Variants in FRMD5 observed in about 807,000 individuals in gnomAD.
FRMD5 encodes FERM domain containing 5.
A neutral mutation model predicts 69.0 loss-of-function variants in FRMD5; 20 were observed. That is an observed-to-expected ratio of 0.29 (90% CI 0.20 to 0.42). FRMD5 has a LOEUF of 0.42. Ranked by LOEUF, FRMD5 falls within the 10% of genes least tolerant of loss-of-function variation. The pLI is 1.00. For synonymous variants in FRMD5, 271 were observed against 260.1 expected (o/e 1.04, Z -0.40); for missense variants, 595 against 708.6 (o/e 0.84, Z 1.82).
chr15:43,896,564 C>G (rs2088915006), intron 7 of FRMD5, among the ~76,000 whole-genome samples: 1 of 152,224 alleles, frequency 6.6e-6, no homozygotes, highest in Non-Finnish European at 1.5e-5. Flanking sequence ...AGGATGATCA[C>G]TCTGCCCAGG....
At chr15:44,005,364 G>C (rs980249619) in intron 1 of FRMD5, among the ~76,000 whole-genome samples, 2 of 151,046 alleles carry the variant, frequency 1.3e-5, no homozygotes, top group African/African-American at 2.4e-5. Flanking sequence ...CCAGCTACTC[G>C]GGATGCTGAG....
intron 1 of FRMD5, among the ~76,000 whole-genome samples, chr15:44,000,200 G>A (rs1890149992): frequency 2.0e-5 from 3 of 151,412 alleles, no homozygotes; most frequent in Admixed American, 6.6e-5. Flanking sequence ...ATTGCCCAGG[G>A]TGGTCTTGAA....
chr15:44,149,827 C>A (rs1260246417), intron 1 of FRMD5, among the ~76,000 whole-genome samples: 2 of 152,038 alleles, frequency 1.3e-5, no homozygotes, highest in Non-Finnish European at 2.9e-5. Context: ...ACCCTAATAG[C>A]AAAGCAAAGA....
chr15:43,990,795 T>G (rs1038242916), intron 1 of FRMD5, among the ~76,000 whole-genome samples: 1 of 152,196 alleles, frequency 6.6e-6, no homozygotes. Flanking sequence ...TTTAAGGAAC[T>G]TGATAGATTT....
In FRMD5 at chr15:43,985,707, T is replaced by C. The variant is rs375651980; in HGVS notation, c.103-61398A>G. On this transcript the variant is annotated intron_variant, in intron 1 of 13. Transcript: ENST00000417257. The stretch of plus-strand genomic sequence containing the variant: ...GCGGATAAGTATTCACATTAATGAA[T>C]GGAGAAATGTCTATTTAATTTGCAA... Among the ~76,000 whole-genome samples the C allele has an allele frequency of 5.3e-5, 8 of 152,288 alleles. No homozygotes were observed. The East Asian group carries it at 1.2e-3, about 22-fold the overall frequency.
chr15:44,148,574 AT>A (rs937417741), intron 1 of FRMD5, among the ~76,000 whole-genome samples: 4 of 151,488 alleles, frequency 2.6e-5, no homozygotes, highest in South Asian at 2.1e-4. Flanking sequence ...CCCAACCTAC[AT>A]TTTTTTTTAA....
At chr15:44,154,187 G>T (rs1406928959) in intron 1 of FRMD5, among the ~76,000 whole-genome samples, 1 of 152,004 alleles carries the variant, frequency 6.6e-6, no homozygotes, top group African/African-American at 2.4e-5. Flanking sequence ...ACTGGGTTTG[G>T]TGGTGCATGC....
At chr15:44,020,046 A>C (rs1312714671) in intron 1 of FRMD5, among the ~76,000 whole-genome samples, 2 of 152,274 alleles carry the variant, frequency 1.3e-5, no homozygotes, top group Non-Finnish European at 2.9e-5. Flanking sequence ...CAAATTATCT[A>C]TATACGAATC....
intron 1 of FRMD5, among the ~76,000 whole-genome samples, chr15:43,965,574 G>C (rs2090279790): frequency 7.3e-6 from 1 of 137,384 alleles, no homozygotes; most frequent in African/African-American, 2.7e-5. Context: ...CTTTTAAAAA[G>C]TCTTTTTTTT....
At chr15:44,017,121 G>A (rs565701545) in intron 1 of FRMD5, among the ~76,000 whole-genome samples, 1 of 151,944 alleles carries the variant, frequency 6.6e-6, no homozygotes. Context: ...GGCAGATCAC[G>A]AGGTCAGGAG....
chr15:44,189,336 C>T (rs1595572969), intron 1 of FRMD5, among the ~76,000 whole-genome samples: 1 of 152,012 alleles, frequency 6.6e-6, no homozygotes, highest in Non-Finnish European at 1.5e-5. Flanking sequence ...ACATGTTGAC[C>T]TTGGGAGGCA....
Position 43,872,215 on chromosome 15 carries a change from A to C in FRMD5, c.*1670T>G, listed in dbSNP as rs563002381. 6.6e-6 allele frequency: 1 copy of C among 152,098 alleles called. No individual in the cohort carries two copies. The highest frequency in any genetic ancestry group is 1.5e-5 in the Non-Finnish European group (1 of 68,032). 9.4% of individuals were successfully genotyped at this position (152,098 alleles called of 1,614,324 possible). A position where few individuals can be genotyped will look rare whatever the true frequency, so the allele number is the denominator to read the frequency against. On this transcript the variant is annotated 3_prime_UTR_variant, in exon 14 of 14. Coordinates refer to ENST00000417257, the MANE Select transcript of FRMD5 (RefSeq NM_032892.5). ...GAAAGGATGTCTTTAAAATTATGCA[A>C]ATCTCTCCCTAAGAACCCCAATTAT...
At chr15:43,912,018 A>G (rs539778833) in intron 4 of FRMD5, among the ~76,000 whole-genome samples, 13 of 152,302 alleles carry the variant, frequency 8.5e-5, no homozygotes, top group Middle Eastern at 3.4e-3. Context: ...TGTAGCCCAC[A>G]TATCAGGGGT....
At chr15:43,893,699 G>T (rs1055985104) in intron 7 of FRMD5, among the ~76,000 whole-genome samples, 26 of 152,178 alleles carry the variant, frequency 1.7e-4, no homozygotes, top group Admixed American at 1.7e-3. Flanking sequence ...GCATGGGTGT[G>T]GGGGCTGAGG....
intron 1 of FRMD5, among the ~76,000 whole-genome samples, chr15:43,933,654 C>G (rs1456524736): frequency 6.6e-6 from 1 of 152,202 alleles, no homozygotes; most frequent in African/African-American, 2.4e-5. Context: ...TTTCATATAA[C>G]AAGAGTACCA....
intron 1 of FRMD5, among the ~76,000 whole-genome samples, chr15:44,148,097 T>G (rs2077383762): frequency 6.6e-6 from 1 of 152,200 alleles, no homozygotes; most frequent in African/African-American, 2.4e-5. Flanking sequence ...TCCAGAGTAT[T>G]TAATGGGCCC....
At chr15:43,943,445 G>T (rs1163776023) in intron 1 of FRMD5, among the ~76,000 whole-genome samples, 1 of 152,190 alleles carries the variant, frequency 6.6e-6, no homozygotes, top group Admixed American at 6.5e-5. Flanking sequence ...GATATTTCAT[G>T]ATACTTTTAA....
chr15:44,047,689 T>G (rs1892488885), intron 1 of FRMD5, among the ~76,000 whole-genome samples: 1 of 152,214 alleles, frequency 6.6e-6, no homozygotes, highest in Admixed American at 6.5e-5. Context: ...AAAGAAACCC[T>G]GTATCCATTA....
intron 1 of FRMD5, among the ~76,000 whole-genome samples, chr15:44,176,771 G>A (rs987865896): frequency 4.0e-5 from 6 of 151,862 alleles, no homozygotes; most frequent in Non-Finnish European, 2.9e-5. Flanking sequence ...GTAAACATAC[G>A]AAAAGATGCT....
Sources: allele counts gnomAD v4.1 joint callset (sites outside exome capture counted in the v4.1 genomes callset), GRCh38; gene constraint gnomAD v4.1.1; transcripts MANE v1.5; gene names NCBI Gene and HGNC (gene_info 2026-07-23, HGNC 2026-07-21).